Variants in MUC21 observed in about 807,000 individuals in gnomAD.
The protein encoded by MUC21 is mucin-21.
Under a neutral mutation model 9.1 loss-of-function variants are expected in MUC21, and 8 were observed. The ratio of observed to expected loss-of-function variants is 0.88; its 90% confidence interval spans 0.52 to 1.59. The LOEUF is 1.59. MUC21 is among the 40% of genes most tolerant of loss of function. The pLI, the probability that MUC21 is intolerant of heterozygous loss-of-function variation, is 0.00. For missense variants in MUC21, 478 were observed against 694.2 expected (o/e 0.69, Z 3.50); for synonymous variants, 189 against 275.2 (o/e 0.69, Z 3.10).
In MUC21 at chr6:30,987,512, G is replaced by A; in HGVS notation, c.1337G>A (p.Gly446Asp). 6.2e-7 allele frequency: 1 copy of A among 1,614,268 alleles called. No homozygotes were observed. ...TCTGGGTCCAGTGTGACCTCTGCAG[G>A]CTCTGGAACAGCAGCTCTGACTGGA... ...TNSGSSVTSA[G>D]SGTAALTGMH... Residue 446 changes from glycine to aspartate, a missense_variant, in exon 2 of 3, where the codon GGC becomes GAC. Physicochemically the swap from Gly to Asp is moderately conservative, Grantham distance 94. Transcript: ENST00000376296.
chr6:30,987,791 A>T, intron 2 of MUC21, 110 bp downstream of exon 2: 10 of 1,489,914 alleles, frequency 6.7e-6, no homozygotes, highest in African/African-American at 1.4e-5. Context: ...GGAGGAAGGG[A>T]GATCAGGAAA....
rs1270691830 is a variant in MUC21 at position 30,986,278 on chromosome 6, T to A, written c.103T>A (p.Ser35Thr). Residue 35 changes from serine (S) to threonine (T), a missense_variant, in exon 2 of 3, where the codon TCC (serine) becomes ACC (threonine). Physicochemically the swap from Ser to Thr is moderately conservative, Grantham distance 58 (BLOSUM62 1). This residue lies in a region of MUC21 where 110 missense variants were observed against 108.3 expected (regional missense o/e 1.02). Transcript: ENST00000376296. Reference protein sequence around the residue: ...NETSTSANTGSSVISSGASTA... With the variant: ...NETSTSANTGTSVISSGASTA... Reference sequence around the variant, plus strand: ...GACTAGCACCTCTGCCAACACTGGATCCAGTGTGATCTCCAGTGGAGCCAG... The same window carrying A: ...GACTAGCACCTCTGCCAACACTGGAACCAGTGTGATCTCCAGTGGAGCCAG... 3 of 1,614,172 alleles carry A rather than the reference T, an allele frequency of 1.9e-6. No individual in the cohort carries two copies. In the East Asian group the frequency reaches 6.7e-5, roughly 36 times the overall value.
At chr6:30,984,683 A>C (rs537950414) in intron 1 of MUC21, among the ~76,000 whole-genome samples, 1 of 151,654 alleles carries the variant, frequency 6.6e-6, no homozygotes, top group South Asian at 2.1e-4. Flanking sequence ...AAAATAAAAT[A>C]ATAAAATAAG....
chr6:30,987,995 T>C lies in MUC21; in HGVS notation c.1507-5T>C, dbSNP rs1474512596. Reference sequence around the variant, plus strand: ...TTCTGAAACTATTGACTCTTCTTTTTTTAGAGAAACAGCCTGTCCCTGAGA... The same window carrying C: ...TTCTGAAACTATTGACTCTTCTTTTCTTAGAGAAACAGCCTGTCCCTGAGA... On this transcript the variant is annotated splice_polypyrimidine_tract_variant and splice_region_variant and intron_variant, in intron 2 of 2. Coordinates refer to ENST00000376296, the MANE Select transcript of MUC21 (RefSeq NM_001010909.5). 8.8e-7 allele frequency: 1 copy of C among 1,135,804 alleles called. No individual in the cohort carries two copies. The allele number at this position is 1,135,804 out of a possible 1,614,324, so 70.4% of individuals were successfully genotyped here.
At position 30,986,927 on chromosome 6, in the gene MUC21, G is replaced by C; in HGVS notation, c.752G>C (p.Gly251Ala). The stretch of plus-strand genomic sequence containing the variant: ...TCTGAGTCCAGCACACCCTCCAGTG[G>C]GGCCGGCACAGCCACCAACTCTGAG... Reference protein sequence around the residue: ...TNSESSTPSSGAGTATNSESS... With the variant: ...TNSESSTPSSAAGTATNSESS... The change falls in exon 2 of 3, where the codon GGG becomes GCG. Residue 251 changes from glycine to alanine, a missense_variant. Transcript: ENST00000376296. The C allele has an allele frequency of 2.6e-6, 4 of 1,546,920 alleles. No individual in the cohort carries two copies. The highest frequency in any genetic ancestry group is 3.5e-6 in the Non-Finnish European group (4 of 1,139,316).
rs774362564 is a variant in MUC21, at chr6:30,987,515, C to G, written c.1340C>G (p.Ser447Cys). The change falls in exon 2 of 3, where the codon TCT becomes TGT. Residue 447 changes from serine (S) to cysteine (C), a missense_variant. Physicochemically the swap from Ser to Cys is moderately radical, Grantham distance 112. Around this residue, in one of 5 missense-constraint regions of MUC21, gnomAD observed 158 missense variants for 192.6 expected, o/e 0.82. Coordinates refer to ENST00000376296, the MANE Select transcript of MUC21 (RefSeq NM_001010909.5). ...GGGTCCAGTGTGACCTCTGCAGGCT[C>G]TGGAACAGCAGCTCTGACTGGAATG... is the stretch of plus-strand genomic sequence containing the variant. ...NSGSSVTSAGSGTAALTGMHT... is the reference protein window; with the variant it reads ...NSGSSVTSAGCGTAALTGMHT... 12 of 1,614,282 alleles carry G rather than the reference C, an allele frequency of 7.4e-6. No individual in the cohort carries two copies. The Admixed American group carries it at 2.0e-4, about 27-fold the overall frequency.
rs905987431 is a variant in MUC21 at position 30,989,844 on chromosome 6, T to C, written c.*1650T>C. 11 of 152,246 alleles carry C rather than the reference T, an allele frequency of 7.2e-5. No homozygotes were observed. Among genetic ancestry groups the C allele is most frequent in the African/African-American group, 2.7e-4 (11 of 41,472 alleles). The allele number at this position is 152,246 out of a possible 1,614,324, so 9.4% of individuals were successfully genotyped here. ...GGGAGTGTGGGAATCCACCATCTTGTGGCCACCTCAGACATCACTTCTCTT... is the reference window on the plus strand; with the variant it reads ...GGGAGTGTGGGAATCCACCATCTTGCGGCCACCTCAGACATCACTTCTCTT... On this transcript the variant is annotated 3_prime_UTR_variant, in exon 3 of 3. Transcript: ENST00000376296.
intron 1 of MUC21, among the ~76,000 whole-genome samples, chr6:30,984,745 C>T (rs942902490): frequency 6.6e-6 from 1 of 151,826 alleles, no homozygotes; most frequent in Non-Finnish European, 1.5e-5. Context: ...GAGGCCAAGG[C>T]GGGTGGATGT....
chr6:30,987,317 G>T lies in MUC21; in HGVS notation c.1142G>T (p.Ser381Ile), dbSNP rs752133726. Residue 381 changes from serine (S) to isoleucine (I), a missense_variant, in exon 2 of 3, where the codon AGC becomes ATC. Physicochemically the swap from Ser to Ile is moderately radical, Grantham distance 142. This residue lies in a region of MUC21 where 155 missense variants were observed against 235.2 expected (regional missense o/e 0.66). Transcript: ENST00000376296. The stretch of plus-strand genomic sequence containing the variant: ...AGCACAGCCACCAACTCTGAGTCCA[G>T]CACAGTGTCCAGTGGGGCCAGCACA... ...GTSTATNSES[S>I]TVSSGASTAT... 4 of 1,566,132 alleles carry T rather than the reference G, an allele frequency of 2.6e-6. 1 individual carries two copies. Among genetic ancestry groups the T allele is most frequent in the Non-Finnish European group, 3.5e-6 (4 of 1,150,572 alleles).
In MUC21 at chr6:30,986,952, G is replaced by C. The variant is rs111834205; in HGVS notation, c.777G>C (p.Glu259Asp). Residue 259 changes from glutamate to aspartate, a missense_variant, in exon 2 of 3, where the codon GAG becomes GAC. Glu to Asp is a conservative substitution (Grantham distance 45, BLOSUM62 2). This residue lies in a region of MUC21 where 155 missense variants were observed against 235.2 expected (regional missense o/e 0.66). Transcript: ENST00000376296. ...GGGCCGGCACAGCCACCAACTCTGA[G>C]TCCAGCACGACCTCCAGTGGGGCCG... ...SSGAGTATNS[E>D]SSTTSSGAGT... is the part of the protein sequence containing the mutation. 0.014 allele frequency: 18,082 copies of C among 1,328,528 alleles called. 1,161 individuals are homozygous for C. Among genetic ancestry groups the C allele is most frequent in the East Asian group, 0.043 (1,571 of 36,212 alleles). The allele number at this position is 1,328,528 out of a possible 1,614,324, so 82.3% of individuals were successfully genotyped here.
chr6:30,986,462 G>T lies in MUC21; in HGVS notation c.287G>T (p.Ser96Ile). The T allele has an allele frequency of 6.3e-7, 1 of 1,598,536 alleles. No homozygotes were observed. Among genetic ancestry groups the T allele is most frequent in the East Asian group, 2.3e-5 (1 of 44,352 alleles). Reference protein sequence around the residue: ...GISTATNSEFSTVSSGISIAT... With the variant: ...GISTATNSEFITVSSGISIAT... The stretch of plus-strand genomic sequence containing the variant: ...AGCACAGCCACCAACTCTGAGTTCA[G>T]CACAGTGTCCAGTGGGATCAGCATA... Residue 96 changes from serine to isoleucine, a missense_variant, in exon 2 of 3, where the codon AGC (serine) becomes ATC (isoleucine). This residue lies in a region of MUC21 where 110 missense variants were observed against 108.3 expected (regional missense o/e 1.02). Coordinates refer to ENST00000376296, the MANE Select transcript of MUC21 (RefSeq NM_001010909.5).
Position 30,987,482 on chromosome 6 carries a change from C to T in MUC21, c.1307C>T (p.Thr436Ile), listed in dbSNP as rs1208869214. The change falls in exon 2 of 3, where the codon ACC becomes ATC. Residue 436 changes from threonine to isoleucine, a missense_variant. Coordinates refer to ENST00000376296, the MANE Select transcript of MUC21 (RefSeq NM_001010909.5). ...STTSSGANTA[T>I]NSGSSVTSAG... ...ACCTCCAGTGGGGCCAACACAGCCA[C>T]CAACTCTGGGTCCAGTGTGACCTCT... 14 of 1,614,224 alleles carry T rather than the reference C, an allele frequency of 8.7e-6. No homozygotes were observed. Among genetic ancestry groups the T allele is most frequent in the Non-Finnish European group, 1.1e-5 (13 of 1,180,018 alleles).
chr6:30,984,261 T>C, intron 1 of MUC21: 1 of 436,160 alleles, frequency 2.3e-6, no homozygotes, highest in Non-Finnish European at 4.0e-6. Flanking sequence ...AACTGTGTAC[T>C]TTAGGTCAGT....
At chr6:30,984,459 C>T (rs1490843983) in intron 1 of MUC21, among the ~76,000 whole-genome samples, 2 of 151,992 alleles carry the variant, frequency 1.3e-5, no homozygotes, top group Non-Finnish European at 2.9e-5. Flanking sequence ...TCATTGAGGT[C>T]AGAAGTTCAA....
chr6:30,984,000 A>T lies in MUC21; in HGVS notation c.42A>T (p.Leu14=), dbSNP rs1422074243. ...GAAATGTTCTCCTTATGTTTGGTCTACTATTGCATTTAGAAGCTGGTGAGT... is the reference window on the plus strand; with the variant it reads ...GAAATGTTCTCCTTATGTTTGGTCTTCTATTGCATTTAGAAGCTGGTGAGT... ...QKGNVLLMFG[L]LLHLEAATNS... The change falls in exon 1 of 3, where the codon CTA becomes CTT. Residue 14 remains leucine (L), a synonymous_variant. Coordinates refer to ENST00000376296, the MANE Select transcript of MUC21 (RefSeq NM_001010909.5). 1.3e-6 allele frequency: 1 copy of T among 779,750 alleles called. No individual in the cohort carries two copies. The highest frequency in any genetic ancestry group is 2.4e-6 in the Non-Finnish European group (1 of 418,088). The allele number at this position is 779,750 out of a possible 1,614,324, so 48.3% of individuals were successfully genotyped here.
chr6:30,984,047 GT>G (rs758017828), intron 1 of MUC21, 28 bp downstream of exon 1: 1 of 779,442 alleles, frequency 1.3e-6, no homozygotes. Flanking sequence ...AAATCGGGTG[GT>G]CTGAGAACCT....
In MUC21 at chr6:30,983,878, A is replaced by G; in HGVS notation, c.-81A>G. On this transcript the variant is annotated 5_prime_UTR_variant, in exon 1 of 3. Coordinates refer to ENST00000376296, the MANE Select transcript of MUC21 (RefSeq NM_001010909.5). ...TCTTCACCTTCAAGTCCCCTTTCTC[A>G]AGAATCCTCTGTTCTTTGCCCTCTA... is the stretch of plus-strand genomic sequence containing the variant. 1.4e-6 allele frequency: 1 copy of G among 719,528 alleles called. No homozygotes were observed. The highest frequency in any genetic ancestry group is 2.6e-6 in the Non-Finnish European group (1 of 390,382). 44.6% of individuals were successfully genotyped at this position (719,528 alleles called of 1,614,324 possible).
At position 30,986,306 on chromosome 6, in the gene MUC21, C is replaced by G; in HGVS notation, c.131C>G (p.Thr44Arg). 1 of 1,613,992 alleles carries G rather than the reference C, an allele frequency of 6.2e-7. No individual in the cohort carries two copies. Among genetic ancestry groups the G allele is most frequent in the Non-Finnish European group, 8.5e-7 (1 of 1,179,886 alleles). Residue 44 changes from threonine to arginine, a missense_variant, in exon 2 of 3, where the codon ACA becomes AGA. By Grantham distance (71) the Thr-to-Arg change is moderately conservative (BLOSUM62 -1). Transcript: ENST00000376296. ...GSSVISSGAS[T>R]ATNSGSSVTS... ...AGTGTGATCTCCAGTGGAGCCAGCACAGCCACCAACTCTGGGTCCAGTGTG... is the reference window on the plus strand; with the variant it reads ...AGTGTGATCTCCAGTGGAGCCAGCAGAGCCACCAACTCTGGGTCCAGTGTG...
intron 1 of MUC21, among the ~76,000 whole-genome samples, chr6:30,984,495 C>T (rs562541381): frequency 3.3e-5 from 5 of 152,122 alleles, no homozygotes; most frequent in African/African-American, 1.2e-4. Flanking sequence ...CGTGGCAAAA[C>T]CCTGTCTCTA....
Sources: allele counts gnomAD v4.1 joint callset (sites outside exome capture counted in the v4.1 genomes callset), GRCh38; gene constraint gnomAD v4.1.1; regional missense constraint gnomAD v4.1.1; transcripts MANE v1.5; gene names NCBI Gene and HGNC (gene_info 2026-07-23, HGNC 2026-07-21).